Variants in MMD observed in about 807,000 individuals in gnomAD.
MMD encodes monocyte to macrophage differentiation associated, also known as monocyte to macrophage differentiation factor.
MMD carries 22 observed loss-of-function variants against 33.6 expected under a neutral mutation model. The ratio of observed to expected loss-of-function variants is 0.66; its 90% CI spans 0.47 to 0.94. MMD has a LOEUF of 0.94. Ranked by LOEUF, MMD falls within the 40% of genes least tolerant of loss-of-function variation. The pLI, the probability that MMD is intolerant of heterozygous loss-of-function variation, is 0.00. For missense variants in MMD, 242 were observed against 309.8 expected (o/e 0.78, Z 1.64); for synonymous variants, 97 against 103.2 (o/e 0.94, Z 0.36).
chr17:55,401,539 C>T lies in MMD; in HGVS notation c.447-1G>A. 1 of 1,606,690 alleles carries T rather than the reference C, an allele frequency of 6.2e-7. No homozygotes were observed. The stretch of plus-strand genomic sequence containing the variant: ...GAAAAAGAGTTCAACCACCTTATAT[C>T]TGCAGGAACAAAAATGCAGTTAATT... On this transcript the variant is annotated splice_acceptor_variant, in intron 5 of 6. Transcript: ENST00000262065. LOFTEE classifies it high-confidence loss of function.
intron 1 of MMD, among the ~76,000 whole-genome samples, chr17:55,420,853 A>G (rs1180922245): frequency 6.6e-6 from 1 of 152,130 alleles, no homozygotes; most frequent in Non-Finnish European, 1.5e-5. Flanking sequence ...CCATTGTTAG[A>G]CGGTGGAGCC....
chr17:55,405,025 G>A (rs757220692), intron 4 of MMD, among the ~76,000 whole-genome samples: 4 of 151,610 alleles, frequency 2.6e-5, no homozygotes, highest in Non-Finnish European at 5.9e-5. Flanking sequence ...TCGCACCACT[G>A]CACTCCAGCC....
intron 1 of MMD, 98 bp downstream of exon 1, chr17:55,421,572 T>C: frequency 2.0e-6 from 3 of 1,525,822 alleles, no homozygotes; most frequent in South Asian, 2.3e-5. Flanking sequence ...CCACCCAGGA[T>C]GAATCCAGGT....
At chr17:55,398,837 T>G (rs530903743) in intron 6 of MMD, among the ~76,000 whole-genome samples, 1 of 152,204 alleles carries the variant, frequency 6.6e-6, no homozygotes, top group South Asian at 2.1e-4. Flanking sequence ...TGAACTCTGC[T>G]TGGTTGGAAC....
intron 2 of MMD, among the ~76,000 whole-genome samples, chr17:55,411,936 G>C (rs139642079): frequency 1.3e-5 from 2 of 152,026 alleles, no homozygotes; most frequent in African/African-American, 4.8e-5. Context: ...AATTCGCCAG[G>C]CATGGTGGCA....
chr17:55,418,215 A>G (rs1853331368), intron 1 of MMD, among the ~76,000 whole-genome samples: 1 of 152,204 alleles, frequency 6.6e-6, no homozygotes, highest in Non-Finnish European at 1.5e-5. Flanking sequence ...CCTATGTCAC[A>G]ATTGGTAAGA....
chr17:55,396,699 T>G (rs1439945847), intron 6 of MMD, among the ~76,000 whole-genome samples: 1 of 151,856 alleles, frequency 6.6e-6, no homozygotes, highest in Non-Finnish European at 1.5e-5. Flanking sequence ...CACTGCAAAC[T>G]CCGCCTCCCA....
At chr17:55,408,263 T>G (rs1907633752) in intron 3 of MMD, among the ~76,000 whole-genome samples, 1 of 152,228 alleles carries the variant, frequency 6.6e-6, no homozygotes, top group Non-Finnish European at 1.5e-5. Flanking sequence ...CTCCCTGAGC[T>G]GAAATCACAT....
intron 6 of MMD, among the ~76,000 whole-genome samples, chr17:55,394,954 T>G (rs1376933361): frequency 6.6e-6 from 1 of 152,236 alleles, no homozygotes; most frequent in East Asian, 1.9e-4. Flanking sequence ...AGGCAGGGTA[T>G]TTACTTCCCT....
At position 55,396,642 on chromosome 17, in the gene MMD, A is replaced by G. The variant is rs1352876588; in HGVS notation, c.517-2108T>C. On this transcript the variant is annotated intron_variant, in intron 6 of 6. Transcript: ENST00000262065. ...TTATTCTTTTTTTTTTCTGAGATGG[A>G]GTCTTGTTCTGTTGCCCAGGCTGGA... Among the ~76,000 whole-genome samples, 7 of 149,778 alleles carry G rather than the reference A, an allele frequency of 4.7e-5. No individual in the cohort carries two copies. In the East Asian group the frequency reaches 1.4e-3, roughly 29 times the overall value.
intron 5 of MMD, among the ~76,000 whole-genome samples, chr17:55,402,812 T>C (rs145733351): frequency 1.6e-4 from 25 of 152,332 alleles, no homozygotes; most frequent in Admixed American, 5.9e-4. Context: ...CTACTCAGCA[T>C]TGCTAATTAT....
At chr17:55,396,719 G>A (rs1282723925) in intron 6 of MMD, among the ~76,000 whole-genome samples, 2 of 151,784 alleles carry the variant, frequency 1.3e-5, no homozygotes, top group African/African-American at 4.8e-5. Context: ...AGGTTCAAGT[G>A]GATTCTCCTG....
At chr17:55,407,603 G>C (rs956229685) in intron 4 of MMD, 143 bp downstream of exon 4, 1 of 654,732 alleles carries the variant, frequency 1.5e-6, no homozygotes, top group South Asian at 2.0e-5. Flanking sequence ...GGAAAAAAAT[G>C]CATGCATGTA....
rs202146881 is a variant in MMD, at chr17:55,398,331, A to C, written c.516+3138T>G. ...CCTCCAATAATTTTTTTTTCTTAAG[A>C]CATCACAGTTTTCGGATCTAGAATC... On this transcript the variant is annotated intron_variant, in intron 6 of 6. Coordinates refer to ENST00000262065, the MANE Select transcript of MMD (RefSeq NM_012329.3). Among the ~76,000 whole-genome samples the C allele has an allele frequency of 7.9e-5, 12 of 151,480 alleles. No homozygotes were observed. In the East Asian group the frequency reaches 1.9e-3, roughly 24 times the overall value.
chr17:55,420,840 C>T (rs1908155454), intron 1 of MMD, among the ~76,000 whole-genome samples: 1 of 152,190 alleles, frequency 6.6e-6, no homozygotes, highest in South Asian at 2.1e-4. Context: ...GGCTAACCTC[C>T]ATCCATTGTT....
rs773398688 is a variant in MMD, at chr17:55,394,450, T to A, written c.601A>T (p.Ile201Phe). ...GVVFFKSDGI[I>F]PFAHAIWHLF... ...TGCCAGATGGCGTGGGCAAATGGAA[T>A]GATGCCATCACTCTTGAAGAACACA... The change falls in exon 7 of 7, where the codon ATT (isoleucine) becomes TTT (phenylalanine). Residue 201 changes from isoleucine (I) to phenylalanine (F), a missense_variant. Ile to Phe is a conservative substitution (Grantham distance 21). Transcript: ENST00000262065. 3.2e-6 allele frequency: 5 copies of A among 1,543,498 alleles called. No homozygotes were observed. The highest frequency in any genetic ancestry group is 1.7e-6 in the Non-Finnish European group (2 of 1,149,858).
At chr17:55,400,504 G>A (rs575886275) in intron 6 of MMD, among the ~76,000 whole-genome samples, 4 of 150,282 alleles carry the variant, frequency 2.7e-5, no homozygotes, top group East Asian at 1.9e-4. Flanking sequence ...AGCCAAGATC[G>A]CTCTACTGCA....
rs374713232 is a variant in MMD at position 55,411,453 on chromosome 17, CTGGCTTTTA to C, written c.109-45_109-37del. Reference sequence around the variant, plus strand: ...GATAAAGAATGGTGAATGGAATATTCTGGCTTTTATGGAATTGAGTCTTTTACTAAAAAT... The same window carrying C: ...GATAAAGAATGGTGAATGGAATATTCTGGAATTGAGTCTTTTACTAAAAAT... On this transcript the variant is annotated intron_variant, in intron 2 of 6. Coordinates refer to ENST00000262065, the MANE Select transcript of MMD (RefSeq NM_012329.3). 1.0e-3 allele frequency: 1,640 copies of C among 1,577,186 alleles called. 13 individuals are homozygous for C. The African/African-American group carries it at 0.017, about 17-fold the overall frequency.
chr17:55,413,281 C>T (rs1022597679), intron 2 of MMD, among the ~76,000 whole-genome samples: 4 of 152,172 alleles, frequency 2.6e-5, no homozygotes, highest in African/African-American at 9.7e-5. Flanking sequence ...TTCTCTATTT[C>T]TTGTTTTCAG....
Sources: gnomAD v4.1 joint callset for allele counts (sites outside exome capture counted in the v4.1 genomes callset) on GRCh38, gnomAD v4.1.1 for gene constraint, MANE v1.5 for transcripts, NCBI Gene and HGNC (gene_info 2026-07-23, HGNC 2026-07-21) for gene names.